The following DPH2 variants were observed in gnomAD, a reference collection of about 807,000 sequenced individuals.
DPH2 encodes the protein diphthamide biosynthesis 2.
In DPH2, 28 loss-of-function variants were observed where a neutral mutation model predicts 42.5. The observed-to-expected ratio is 0.66, with a 90% confidence interval of 0.49 to 0.90. DPH2 has a LOEUF of 0.90. DPH2 is among the 40% of genes least tolerant of loss of function. The pLI is 0.00. For synonymous variants in DPH2, 279 were observed against 264.4 expected, an observed-to-expected ratio of 1.06 and a Z score of -0.53; for missense variants, 576 against 636.0, an observed-to-expected ratio of 0.91 and a Z score of 1.01.
chr1:43,970,827 C>T, intron 2 of DPH2, 119 bp downstream of exon 2: 1 of 1,281,556 alleles, frequency 7.8e-7, no homozygotes, highest in Non-Finnish European at 1.1e-6. Context: ...GGTAATGACT[C>T]CCCTTCTGAT....
Position 43,973,147 on chromosome 1 carries a change from T to TA in DPH2, c.*611dup. The TA allele has an allele frequency of 6.6e-6, 1 of 152,372 alleles. No homozygotes were observed. The highest frequency in any genetic ancestry group is 1.9e-4 in the East Asian group (1 of 5,192). The allele number at this position is 152,372 out of a possible 1,614,324, so 9.4% of individuals were successfully genotyped here. A position where few individuals can be genotyped will look rare whatever the true frequency, so the allele number is the denominator to read the frequency against. The stretch of plus-strand genomic sequence containing the variant: ...CTGCACTGTCCAGTACAGTAGCCAC[T>TA]AAATACATGTGGCTAAACTTAAATT... On this transcript the variant is annotated 3_prime_UTR_variant, in exon 6 of 6. Coordinates refer to ENST00000255108, the MANE Select transcript of DPH2 (RefSeq NM_001384.5).
Position 43,972,083 on chromosome 1 carries a change from G to A in DPH2, c.1168+13G>A. 1 of 1,610,838 alleles carries A rather than the reference G, an allele frequency of 6.2e-7. No homozygotes were observed. The highest frequency in any genetic ancestry group is 8.5e-7 in the Non-Finnish European group (1 of 1,177,544). ...GACTTATTGCCTGGTGAGTAGTGGG[G>A]GCATTGCCTAAGCTGGAAACCTGGG... On this transcript the variant is annotated intron_variant, in intron 4 of 5. Transcript: ENST00000255108.
rs756849040 is a variant in DPH2 at position 43,971,428 on chromosome 1, C to A, written c.526C>A (p.Leu176Ile). Residue 176 changes from leucine (L) to isoleucine (I), a missense_variant, in exon 4 of 6, where the codon CTA becomes ATA. Leu to Ile is a conservative substitution (Grantham distance 5). Around this residue, in one of 3 missense-constraint regions of DPH2, gnomAD observed 395 missense variants for 435.2 expected, o/e 0.91. Transcript: ENST00000255108. ...TLLRPRYLDL[L>I]VSSPAFPQPV... ...CCTGCGCCCACGGTACCTGGACCTG[C>A]TAGTCTCCAGCCCAGCTTTTCCCCA... 3.7e-6 allele frequency: 6 copies of A among 1,608,242 alleles called. No homozygotes were observed. The highest frequency in any genetic ancestry group is 3.4e-6 in the Non-Finnish European group (4 of 1,175,906).
intron 2 of DPH2, 82 bp from the exon 3 acceptor site, chr1:43,970,884 A>G (rs2085405745): frequency 6.9e-7 from 1 of 1,441,658 alleles, no homozygotes; most frequent in African/African-American, 1.4e-5. Flanking sequence ...AAACCATTTT[A>G]TTCACTGACC....
Position 43,970,718 on chromosome 1 carries a change from TG to T in DPH2, c.260+12del. The T allele has an allele frequency of 6.8e-6, 11 of 1,612,774 alleles. No homozygotes were observed. The highest frequency in any genetic ancestry group is 9.3e-6 in the Non-Finnish European group (11 of 1,178,784). On this transcript the variant is annotated intron_variant, in intron 2 of 5. Coordinates refer to ENST00000255108, the MANE Select transcript of DPH2 (RefSeq NM_001384.5). ...ACACAGCCTACGGCAGGTGTGAACT[TG>T]GCCTTAGGTGGGCCAGGCCTGGGGA...
intron 1 of DPH2, 27 bp downstream of exon 1, chr1:43,970,349 C>T (rs1368988300): frequency 2.1e-5 from 33 of 1,609,106 alleles, no homozygotes; most frequent in Non-Finnish European, 2.8e-5. Flanking sequence ...GGAAGGGTGG[C>T]TCGCCTCTGT....
rs766046002 is a variant in DPH2 at position 43,970,577 on chromosome 1, C to T, written c.148-19C>T. On this transcript the variant is annotated intron_variant, in intron 1 of 5. Coordinates refer to ENST00000255108, the MANE Select transcript of DPH2 (RefSeq NM_001384.5). Reference sequence around the variant, plus strand: ...AGTGGGAGAGAGGCTGTCCCTGACTCCATGGTTTATGCTTATAGGTTGCCT... The same window carrying T: ...AGTGGGAGAGAGGCTGTCCCTGACTTCATGGTTTATGCTTATAGGTTGCCT... The T allele has an allele frequency of 3.7e-6, 6 of 1,613,134 alleles. No homozygotes were observed. The South Asian group carries it at 6.6e-5, about 18-fold the overall frequency.
chr1:43,971,016 T>C lies in DPH2; in HGVS notation c.311T>C (p.Ile104Thr). ...GAEQAGAQAL[I>T]HFGPACLSPP... Reference sequence around the variant, plus strand: ...GAGCAAGCTGGAGCTCAGGCTCTCATACATTTTGGCCCTGCCTGCTTAAGC... The same window carrying C: ...GAGCAAGCTGGAGCTCAGGCTCTCACACATTTTGGCCCTGCCTGCTTAAGC... Residue 104 changes from isoleucine (I) to threonine (T), a missense_variant, in exon 3 of 6, where the codon ATA becomes ACA. Physicochemically the swap from Ile to Thr is moderately conservative, Grantham distance 89 (BLOSUM62 -1). Around this residue, in one of 3 missense-constraint regions of DPH2, gnomAD observed 395 missense variants for 435.2 expected, o/e 0.91. Transcript: ENST00000255108. The C allele has an allele frequency of 1.3e-6, 2 of 1,586,386 alleles. No homozygotes were observed. Among genetic ancestry groups the C allele is most frequent in the South Asian group, 2.3e-5 (2 of 87,258 alleles).
In DPH2 at chr1:43,971,180, C is replaced by T. The variant is rs373849577; in HGVS notation, c.475C>T (p.His159Tyr). ...GCTGCTGAGTGAGCCGGCCTGTGCCCATGCCCTGGGTAAGGGGTTTTGCCT... is the reference window on the plus strand; with the variant it reads ...GCTGCTGAGTGAGCCGGCCTGTGCCTATGCCCTGGGTAAGGGGTTTTGCCT... ...VVLLSEPACA[H>Y]ALEALATLLR... is the part of the protein sequence containing the mutation. The change falls in exon 3 of 6, where the codon CAT becomes TAT. Residue 159 changes from histidine to tyrosine, a missense_variant. Transcript: ENST00000255108. 2 of 1,554,292 alleles carry T rather than the reference C, an allele frequency of 1.3e-6. No individual in the cohort carries two copies. The highest frequency in any genetic ancestry group is 1.4e-5 in the African/African-American group (1 of 73,318).
Position 43,972,207 on chromosome 1 carries a change from A to T in DPH2, c.1218A>T (p.Glu406Asp). ...CACCACCTGAGTCAGAGCTGTGGGAAACCCCAGACGTGTCACTCATTACTG... is the reference window on the plus strand; with the variant it reads ...CACCACCTGAGTCAGAGCTGTGGGATACCCCAGACGTGTCACTCATTACTG... The part of the protein sequence containing the change: ...ALPPPESELW[E>D]TPDVSLITGD... Residue 406 changes from glutamate (E) to aspartate (D), a missense_variant, in exon 5 of 6, where the codon GAA (glutamate) becomes GAT (aspartate). By Grantham distance (45) the Glu-to-Asp change is conservative (BLOSUM62 2). Coordinates refer to ENST00000255108, the MANE Select transcript of DPH2 (RefSeq NM_001384.5). 2.5e-6 allele frequency: 4 copies of T among 1,614,148 alleles called. No individual in the cohort carries two copies. The highest frequency in any genetic ancestry group is 3.4e-6 in the Non-Finnish European group (4 of 1,180,006).
chr1:43,972,682 G>A lies in DPH2; in HGVS notation c.*143G>A. 1 of 1,229,280 alleles carries A rather than the reference G, an allele frequency of 8.1e-7. No individual in the cohort carries two copies. Among genetic ancestry groups the A allele is most frequent in the Non-Finnish European group, 1.1e-6 (1 of 880,390 alleles). 76.1% of individuals were successfully genotyped at this position (1,229,280 alleles called of 1,614,324 possible). A position where few individuals can be genotyped will look rare whatever the true frequency, so the allele number is the denominator to read the frequency against. On this transcript the variant is annotated 3_prime_UTR_variant, in exon 6 of 6. Transcript: ENST00000255108. ...AGAGCAGGCAGCCCTTCACAGGATA[G>A]GATCCGTCTCTGTCCTGTCCTGGCA...
rs1434258755 is a variant in DPH2 at position 43,972,573 on chromosome 1, T to C, written c.*34T>C. 3.1e-6 allele frequency: 5 copies of C among 1,613,332 alleles called. No homozygotes were observed. The highest frequency in any genetic ancestry group is 1.3e-5 in the African/African-American group (1 of 75,050). On this transcript the variant is annotated 3_prime_UTR_variant, in exon 6 of 6. Transcript: ENST00000255108. ...GGGGCTGGAGACATAGATGGACTTA[T>C]GAATGGCTGCTAGGACCTTTAGTGC...
In DPH2 at chr1:43,970,707, A is replaced by C. The variant is rs749094938; in HGVS notation, c.259A>C (p.Ser87Arg). The part of the protein sequence containing the change: ...MFILGDTAYG[S>R]CCVDVLGAEQ... ...CATTCTGGGTGACACAGCCTACGGC[A>C]GGTGTGAACTTGGCCTTAGGTGGGC... Residue 87 changes from serine to arginine, a missense_variant and splice_region_variant, in exon 2 of 6, where the codon AGC becomes CGC. Ser to Arg is a moderately radical substitution (Grantham distance 110). Transcript: ENST00000255108. The C allele has an allele frequency of 1.2e-6, 2 of 1,614,066 alleles. No individual in the cohort carries two copies. The highest frequency in any genetic ancestry group is 3.3e-5 in the Admixed American group (2 of 60,020).
Position 43,971,834 on chromosome 1 carries a change from G to T in DPH2, c.932G>T (p.Gly311Val). 1.2e-6 allele frequency: 2 copies of T among 1,613,428 alleles called. No individual in the cohort carries two copies. The highest frequency in any genetic ancestry group is 1.7e-6 in the Non-Finnish European group (2 of 1,180,040). Residue 311 changes from glycine to valine, a missense_variant, in exon 4 of 6, where the codon GGC becomes GTC. Physicochemically the swap from Gly to Val is moderately radical, Grantham distance 109. Coordinates refer to ENST00000255108, the MANE Select transcript of DPH2 (RefSeq NM_001384.5). ...AHLRNLTQAA[G>V]KRSYVLALGR... is the part of the protein sequence containing the mutation. Reference sequence around the variant, plus strand: ...TTGCGGAACCTGACTCAGGCTGCTGGCAAGCGTAGCTATGTGTTGGCCCTG... The same window carrying T: ...TTGCGGAACCTGACTCAGGCTGCTGTCAAGCGTAGCTATGTGTTGGCCCTG...
At chr1:43,970,766 C>T in intron 2 of DPH2, 58 bp downstream of exon 2, 7 of 1,513,040 alleles carry the variant, frequency 4.6e-6, no homozygotes, top group East Asian at 2.3e-5. Context: ...TGGGGTTTTA[C>T]GTCTATGACA....
chr1:43,970,959 C>T lies in DPH2; in HGVS notation c.261-7C>T, dbSNP rs1186266517. On this transcript the variant is annotated splice_polypyrimidine_tract_variant and splice_region_variant and intron_variant, in intron 2 of 5. Coordinates refer to ENST00000255108, the MANE Select transcript of DPH2 (RefSeq NM_001384.5). Reference sequence around the variant, plus strand: ...AACCCATTTCTCTGATGCTATCTTCCCTGCAGCTGCTGCGTGGATGTGCTG... The same window carrying T: ...AACCCATTTCTCTGATGCTATCTTCTCTGCAGCTGCTGCGTGGATGTGCTG... 6.4e-7 allele frequency: 1 copy of T among 1,569,856 alleles called. No homozygotes were observed. Among genetic ancestry groups the T allele is most frequent in the South Asian group, 1.2e-5 (1 of 86,008 alleles).
At chr1:43,970,358 G>A in intron 1 of DPH2, 36 bp downstream of exon 1, 12 of 1,602,282 alleles carry the variant, frequency 7.5e-6, no homozygotes, top group Non-Finnish European at 1.0e-5. Context: ...GCTCGCCTCT[G>A]TCGGGATGGG....
chr1:43,971,971 C>T lies in DPH2; in HGVS notation c.1069C>T (p.Pro357Ser). The change falls in exon 4 of 6, where the codon CCT becomes TCT. Residue 357 changes from proline to serine, a missense_variant. This residue lies in a region of DPH2 where 178 missense variants were observed against 184.4 expected (regional missense o/e 0.97). Coordinates refer to ENST00000255108, the MANE Select transcript of DPH2 (RefSeq NM_001384.5). ...APQLSGSFFQ[P>S]ILAPCELEAA... Reference sequence around the variant, plus strand: ...CCAGCTTTCTGGTAGCTTCTTCCAGCCTATACTGGCACCATGTGAGCTGGA... The same window carrying T: ...CCAGCTTTCTGGTAGCTTCTTCCAGTCTATACTGGCACCATGTGAGCTGGA... 6.2e-7 allele frequency: 1 copy of T among 1,614,238 alleles called. No homozygotes were observed. Among genetic ancestry groups the T allele is most frequent in the Non-Finnish European group, 8.5e-7 (1 of 1,180,052 alleles).
Position 43,970,152 on chromosome 1 carries a change from A to G in DPH2, c.-24A>G. ...GCTGTCCCAGGGAGGTCCCCGCTGC[A>G]TCCCACCACCCAAGCTGTGCCTCAT... On this transcript the variant is annotated 5_prime_UTR_variant, in exon 1 of 6. Transcript: ENST00000255108. 2 of 1,610,680 alleles carry G rather than the reference A, an allele frequency of 1.2e-6. No homozygotes were observed. Among genetic ancestry groups the G allele is most frequent in the Non-Finnish European group, 1.7e-6 (2 of 1,178,290 alleles).
Sources: gnomAD v4.1 joint callset for allele counts on GRCh38, gnomAD v4.1.1 for gene constraint, gnomAD v4.1.1 regional missense constraint, MANE v1.5 for transcripts, NCBI Gene and HGNC (gene_info 2026-07-23, HGNC 2026-07-21) for gene names.